Variants in HMGXB4 observed in about 807,000 individuals in gnomAD.
HMGXB4 encodes the protein HMG-box containing 4.
In HMGXB4, 27 loss-of-function variants were observed where a neutral mutation model predicts 63.9. The ratio of observed to expected loss-of-function variants is 0.42; its 90% confidence interval spans 0.31 to 0.58. HMGXB4 has a LOEUF of 0.58. Ranked by LOEUF, HMGXB4 falls within the 20% of genes least tolerant of loss-of-function variation. The pLI, the probability that HMGXB4 is intolerant of heterozygous loss-of-function variation, is 0.13. For missense variants in HMGXB4, 624 were observed against 700.7 expected (o/e 0.89, Z 1.24); for synonymous variants, 264 against 265.3 (o/e 0.99, Z 0.05).
rs1238177532 is a variant in HMGXB4 at position 35,284,019 on chromosome 22, A to G, written c.1273A>G (p.Ile425Val). The change falls in exon 6 of 11, where the codon ATT becomes GTT. Residue 425 changes from isoleucine to valine, a missense_variant. Ile to Val is a conservative substitution (Grantham distance 29). Coordinates refer to ENST00000216106, the MANE Select transcript of HMGXB4 (RefSeq NM_001003681.3). ...QVFCKEYRVT[I>V]VADHPGIDFG... The stretch of plus-strand genomic sequence containing the variant: ...GTTCTGTAAAGAGTATCGCGTGACC[A>G]TTGTGGCTGACCATCCAGGTATAGG... 2.5e-6 allele frequency: 4 copies of G among 1,613,850 alleles called. No individual in the cohort carries two copies. In the African/African-American group the frequency reaches 4.0e-5, roughly 16 times the overall value.
intron 6 of HMGXB4, among the ~76,000 whole-genome samples, chr22:35,285,357 C>T (rs1266405174): frequency 3.3e-5 from 5 of 152,092 alleles, no homozygotes; most frequent in African/African-American, 9.7e-5. Context: ...CCAGCCTGGC[C>T]AACATGGTGA....
intron 6 of HMGXB4, 58 bp from the exon 7 acceptor site, chr22:35,285,939 T>G: frequency 7.7e-7 from 1 of 1,291,376 alleles, no homozygotes; most frequent in Non-Finnish European, 1.1e-6. Context: ...TCACCAATCT[T>G]CTATTTTGTT....
chr22:35,245,300 T>C, the HMGXB4 span, among the ~76,000 whole-genome samples: 3 of 150,778 alleles, frequency 2.0e-5, no homozygotes, highest in Non-Finnish European at 3.0e-5. Context: ...ATTATTTATT[T>C]CTTTTTCTCT....
intron 5 of HMGXB4, among the ~76,000 whole-genome samples, chr22:35,270,771 G>A (rs554747709): frequency 5.3e-5 from 8 of 152,292 alleles, no homozygotes; most frequent in Non-Finnish European, 1.0e-4. Context: ...ACCTTATTAA[G>A]AGTTAATATC....
intron 5 of HMGXB4, among the ~76,000 whole-genome samples, chr22:35,276,720 A>G (rs1397718196): frequency 6.6e-6 from 1 of 152,240 alleles, no homozygotes; most frequent in African/African-American, 2.4e-5. Context: ...ATACTAAATT[A>G]GTAAAGGAGA....
At chr22:35,271,113 T>C (rs1216868701) in intron 5 of HMGXB4, among the ~76,000 whole-genome samples, 1 of 151,840 alleles carries the variant, frequency 6.6e-6, no homozygotes, top group Non-Finnish European at 1.5e-5. Context: ...TTTTTTTTAA[T>C]TAGCCAGGCA....
intron 9 of HMGXB4, 99 bp downstream of exon 9, chr22:35,288,506 A>G (rs1344826032): frequency 5.7e-6 from 5 of 882,910 alleles, no homozygotes; most frequent in African/African-American, 3.4e-5. Context: ...TTGAGCATCT[A>G]CTTTATGCTA....
chr22:35,287,978 T>TA (rs1224380682), intron 8 of HMGXB4, among the ~76,000 whole-genome samples: 1 of 152,108 alleles, frequency 6.6e-6, no homozygotes, highest in East Asian at 1.9e-4. Context: ...GAGTAAATAT[T>TA]ATAGGCCTTG....
intron 5 of HMGXB4, among the ~76,000 whole-genome samples, chr22:35,274,297 C>T (rs943196887): frequency 1.3e-5 from 2 of 152,180 alleles, no homozygotes; most frequent in Non-Finnish European, 2.9e-5. Flanking sequence ...TCTGTGAAGT[C>T]CCTGAGACGC....
intron 2 of HMGXB4, chr22:35,262,855 A>G (rs1922949270): frequency 1.7e-6 from 1 of 576,694 alleles, no homozygotes; most frequent in South Asian, 2.2e-5. Context: ...GGGCCTTTGC[A>G]TAGCATGGAA....
chr22:35,241,561 T>G, the HMGXB4 span, among the ~76,000 whole-genome samples: 3 of 152,106 alleles, frequency 2.0e-5, no homozygotes, highest in East Asian at 1.9e-4. Flanking sequence ...CAGGCAGGAA[T>G]GGGCTGCTTC....
At chr22:35,281,474 A>T (rs181028721) in intron 5 of HMGXB4, among the ~76,000 whole-genome samples, 1 of 152,308 alleles carries the variant, frequency 6.6e-6, no homozygotes, top group South Asian at 2.1e-4. Context: ...GTGAATTTGG[A>T]TCTATAGTAT....
chr22:35,267,780 T>C (rs986924518), intron 5 of HMGXB4, among the ~76,000 whole-genome samples: 1 of 152,234 alleles, frequency 6.6e-6, no homozygotes, highest in African/African-American at 2.4e-5. Context: ...ACCAGGAGTT[T>C]ACAGTTAATA....
At chr22:35,246,467 G>T in the HMGXB4 span, among the ~76,000 whole-genome samples, 1 of 152,126 alleles carries the variant, frequency 6.6e-6, no homozygotes, top group African/African-American at 2.4e-5. Context: ...TAGAGGCGGG[G>T]TTTCACCGTG....
chr22:35,262,962 T>C, intron 2 of HMGXB4, 116 bp from the exon 3 acceptor site: 1 of 994,834 alleles, frequency 1.0e-6, no homozygotes, highest in East Asian at 2.4e-5. Flanking sequence ...GTGGACTTGA[T>C]TGAAACATTG....
rs148006529 is a variant in HMGXB4 at position 35,268,311 on chromosome 22, C to G, written c.1215+2708C>G. 6.5e-3 allele frequency among the ~76,000 whole-genome samples: 988 copies of G among 152,310 alleles called. 9 individuals are homozygous for G. The highest frequency in any genetic ancestry group is 0.027 in the Middle Eastern group (8 of 294). On this transcript the variant is annotated intron_variant, in intron 5 of 10. Coordinates refer to ENST00000216106, the MANE Select transcript of HMGXB4 (RefSeq NM_001003681.3). ...TCGTTCACTTTTACATTTCCCCCTT[C>G]CCTACTCCCCTCCAACTATTTCTGC...
At chr22:35,251,160 C>T in the HMGXB4 span, among the ~76,000 whole-genome samples, 6 of 152,074 alleles carry the variant, frequency 3.9e-5, no homozygotes, top group African/African-American at 7.2e-5. Context: ...CTGTAAGCTC[C>T]GCCTCCTAGG....
At chr22:35,286,206 T>A in intron 7 of HMGXB4, 145 bp downstream of exon 7, 2 of 627,750 alleles carry the variant, frequency 3.2e-6, no homozygotes, top group Admixed American at 3.1e-5. Context: ...CAGAGGACAT[T>A]AACACTGTTA....
Position 35,287,265 on chromosome 22 carries a change from C to A in HMGXB4, c.1363-82C>A, listed in dbSNP as rs1482748932. On this transcript the variant is annotated intron_variant, in intron 7 of 10. Coordinates refer to ENST00000216106, the MANE Select transcript of HMGXB4 (RefSeq NM_001003681.3). ...CCTCTTACTATTGCCTTTCTTTTCT[C>A]CATTTTGTTCTTTCATGACTGCTTT... 4.5e-6 allele frequency: 5 copies of A among 1,103,114 alleles called. No individual in the cohort carries two copies. In the Admixed American group the frequency reaches 8.3e-5, roughly 18 times the overall value. 68.3% of individuals were successfully genotyped at this position (1,103,114 alleles called of 1,614,324 possible).
Sources: allele counts gnomAD v4.1 joint callset (sites outside exome capture counted in the v4.1 genomes callset), GRCh38; gene constraint gnomAD v4.1.1; transcripts MANE v1.5; gene names NCBI Gene and HGNC (gene_info 2026-07-23, HGNC 2026-07-21).